The following NRXN3 variants were observed in gnomAD, a reference collection of about 807,000 sequenced individuals.
The protein encoded by NRXN3 is neurexin III.
NRXN3 carries 32 observed loss-of-function variants against 137.6 expected under a neutral mutation model. The observed-to-expected ratio is 0.23, with a 90% confidence interval of 0.18 to 0.31. The LOEUF (loss-of-function observed/expected upper bound fraction) is 0.31. Ranked by LOEUF, NRXN3 falls within the 10% of genes least tolerant of loss-of-function variation. The probability of loss-of-function intolerance (pLI) is 1.00; values close to 1 mark genes in which losing one functional copy is unlikely to be tolerated. For synonymous variants in NRXN3, 798 were observed against 784.5 expected (o/e 1.02, Z -0.29); for missense variants, 1,574 against 2,062.5 (o/e 0.76, Z 4.59).
intron 15 of NRXN3, among the ~76,000 whole-genome samples, chr14:79,422,539 T>G (rs2095593432): frequency 6.6e-6 from 1 of 152,140 alleles, no homozygotes; most frequent in Non-Finnish European, 1.5e-5. Flanking sequence ...GATATTTCCC[T>G]CTCACATTAG....
intron 7 of NRXN3, among the ~76,000 whole-genome samples, chr14:78,712,968 G>A (rs541334334): frequency 6.6e-6 from 1 of 152,316 alleles, no homozygotes; most frequent in African/African-American, 2.4e-5. Flanking sequence ...ATCAGACAGA[G>A]GTGAAGGCTG....
At chr14:79,709,914 G>A (rs2098796570) in intron 19 of NRXN3, among the ~76,000 whole-genome samples, 1 of 151,984 alleles carries the variant, frequency 6.6e-6, no homozygotes, top group Non-Finnish European at 1.5e-5. Context: ...TCCTGTTAGA[G>A]GATGCTTGAT....
intron 4 of NRXN3, among the ~76,000 whole-genome samples, chr14:78,355,381 A>G (rs183552228): frequency 1.3e-5 from 2 of 151,134 alleles, no homozygotes. Flanking sequence ...CCTCATATGA[A>G]CCCATTTCTT....
chr14:78,202,898 A>G (rs1305369547), intron 1 of NRXN3, among the ~76,000 whole-genome samples: 1 of 152,208 alleles, frequency 6.6e-6, no homozygotes, highest in Non-Finnish European at 1.5e-5. Context: ...ATATGAGGAC[A>G]CAGAGGGGCA....
intron 16 of NRXN3, among the ~76,000 whole-genome samples, chr14:79,520,313 T>G (rs1389355075): frequency 6.6e-6 from 1 of 152,184 alleles, no homozygotes; most frequent in East Asian, 1.9e-4. Flanking sequence ...ATTTTAATTA[T>G]ACTTTAAGTT....
chr14:78,371,908 G>C (rs1477783890), intron 4 of NRXN3, among the ~76,000 whole-genome samples: 1 of 152,158 alleles, frequency 6.6e-6, no homozygotes, highest in East Asian at 1.9e-4. Flanking sequence ...ATAGAAGACA[G>C]GCACTAGTAT....
chr14:78,726,687 T>A (rs915988132), intron 8 of NRXN3, among the ~76,000 whole-genome samples: 9 of 151,740 alleles, frequency 5.9e-5, no homozygotes, highest in African/African-American at 2.2e-4. Flanking sequence ...CCCGGCTAAT[T>A]TTTGTATTTT....
chr14:78,765,931 A>T (rs190538490), intron 8 of NRXN3, among the ~76,000 whole-genome samples: 64 of 152,282 alleles, frequency 4.2e-4, no homozygotes, highest in African/African-American at 1.5e-3. Context: ...GGTTATGACA[A>T]AAAGGACTTT....
intron 19 of NRXN3, among the ~76,000 whole-genome samples, chr14:79,777,800 T>C (rs2099101687): frequency 6.6e-6 from 1 of 151,676 alleles, no homozygotes; most frequent in Non-Finnish European, 1.5e-5. Flanking sequence ...TTTTAATATA[T>C]TTATTTTATT....
chr14:79,065,079 C>CAT lies in NRXN3; in HGVS notation c.3262+76950_3262+76951dup, dbSNP rs568264558. On this transcript the variant is annotated intron_variant, in intron 15 of 20. Coordinates refer to ENST00000335750, the MANE Select transcript of NRXN3 (RefSeq NM_001330195.2). ...AACGTTTAAAATATGTATTTACATG[C>CAT]ATATATATATATACATCTAGAAAAA... 1.9e-3 allele frequency among the ~76,000 whole-genome samples: 280 copies of CAT among 150,830 alleles called. 2 individuals are homozygous for CAT. The highest frequency in any genetic ancestry group is 0.013 in the South Asian group (64 of 4,790).
intron 4 of NRXN3, among the ~76,000 whole-genome samples, chr14:78,386,838 C>G (rs548726085): frequency 6.6e-6 from 1 of 151,562 alleles, no homozygotes; most frequent in Non-Finnish European, 1.5e-5. Flanking sequence ...TGGAGTGCAG[C>G]GGTGCCATCT....
chr14:78,612,820 G>T (rs2097311333), intron 4 of NRXN3, among the ~76,000 whole-genome samples: 1 of 152,028 alleles, frequency 6.6e-6, no homozygotes, highest in South Asian at 2.1e-4. Flanking sequence ...TTTAGCTGTG[G>T]AAACTCAAGT....
At chr14:78,277,703 T>C (rs1320899468) in intron 2 of NRXN3, among the ~76,000 whole-genome samples, 1 of 152,174 alleles carries the variant, frequency 6.6e-6, no homozygotes, top group Non-Finnish European at 1.5e-5. Flanking sequence ...AGGTTGGGTC[T>C]AGGGGTTTTA....
chr14:79,511,793 T>G (rs1354849773), intron 16 of NRXN3, among the ~76,000 whole-genome samples: 1 of 152,212 alleles, frequency 6.6e-6, no homozygotes, highest in African/African-American at 2.4e-5. Context: ...CTTTTCAAGC[T>G]CAGAACAAAT....
chr14:79,257,595 G>GTGGTGGTGGTGGTGATGGTAATGA, intron 15 of NRXN3, among the ~76,000 whole-genome samples: 1 of 131,982 alleles, frequency 7.6e-6, no homozygotes, highest in African/African-American at 2.9e-5. Context: ...AATGATGGTG[G>GTGGTGGTGGTGGTGATGGTAATGA]TGGTGGTGGT....
chr14:79,396,702 C>A (rs138426726), intron 15 of NRXN3, among the ~76,000 whole-genome samples: 1 of 152,014 alleles, frequency 6.6e-6, no homozygotes, highest in Non-Finnish European at 1.5e-5. Context: ...TAGTTGAGTC[C>A]GCGCTGTATC....
intron 1 of NRXN3, among the ~76,000 whole-genome samples, chr14:78,226,605 C>A (rs554096816): frequency 6.6e-6 from 1 of 152,186 alleles, no homozygotes; most frequent in South Asian, 2.1e-4. Context: ...TTGTATTAGT[C>A]CTGATTGTAT....
At chr14:79,480,405 C>A (rs1054281411) in intron 16 of NRXN3, among the ~76,000 whole-genome samples, 1 of 152,118 alleles carries the variant, frequency 6.6e-6, no homozygotes, top group Non-Finnish European at 1.5e-5. Context: ...GTGTGAATGA[C>A]GTGGTTTTCC....
chr14:79,185,763 C>A (rs909765765), intron 15 of NRXN3, among the ~76,000 whole-genome samples: 6 of 152,172 alleles, frequency 3.9e-5, no homozygotes, highest in Non-Finnish European at 8.8e-5. Flanking sequence ...CCACCGTACC[C>A]GGCCCATACT....
Sources: gnomAD v4.1 joint callset for allele counts (sites outside exome capture counted in the v4.1 genomes callset) on GRCh38, gnomAD v4.1.1 for gene constraint, MANE v1.5 for transcripts, NCBI Gene and HGNC (gene_info 2026-07-23, HGNC 2026-07-21) for gene names.